Variants in DOCK3 observed in about 807,000 individuals in gnomAD.
DOCK3 encodes the protein dedicator of cytokinesis 3.
DOCK3 carries 60 observed loss-of-function variants against 265.6 expected under a neutral mutation model. The observed-to-expected ratio is 0.23, with a 90% CI of 0.18 to 0.28. The LOEUF is 0.28. DOCK3 is among the 10% of genes least tolerant of loss of function. The pLI is 1.00. For synonymous variants in DOCK3, 881 were observed against 938.0 expected (o/e 0.94, Z 1.11); for missense variants, 1,981 against 2,594.3 (o/e 0.76, Z 5.14).
intron 12 of DOCK3, among the ~76,000 whole-genome samples, chr3:51,180,785 T>G (rs2087244848): frequency 6.6e-6 from 1 of 152,244 alleles, no homozygotes. Context: ...GTGATTAACA[T>G]GAACCCTTAA....
intron 23 of DOCK3, 43 bp from the exon 24 acceptor site, chr3:51,270,772 C>T (rs1279048178): frequency 6.4e-7 from 1 of 1,566,730 alleles, no homozygotes; most frequent in African/African-American, 1.3e-5. Flanking sequence ...GATAGACACA[C>T]ACCCTAACTC....
chr3:51,235,474 A>C (rs2078313311), intron 19 of DOCK3, among the ~76,000 whole-genome samples: 1 of 152,204 alleles, frequency 6.6e-6, no homozygotes, highest in Non-Finnish European at 1.5e-5. Flanking sequence ...AATATTTTTT[A>C]CTTCTTATTG....
In DOCK3 at chr3:51,012,207, G is replaced by T. The variant is rs544396923; in HGVS notation, c.316-52241G>T. ...TTTCTGCTGCCTTTTGTTCAGCTAT[G>T]CCCTGCCCAATGGAGTTAAATACTC... On this transcript the variant is annotated intron_variant, in intron 5 of 52. Coordinates refer to ENST00000266037, the MANE Select transcript of DOCK3 (RefSeq NM_004947.5). Among the ~76,000 whole-genome samples, 3 of 152,256 alleles carry T rather than the reference G, an allele frequency of 2.0e-5. 1 individual carries two copies. In the South Asian group the frequency reaches 6.2e-4, roughly 32 times the overall value.
chr3:50,987,335 G>A (rs148723909), intron 5 of DOCK3, among the ~76,000 whole-genome samples: 1 of 152,158 alleles, frequency 6.6e-6, no homozygotes, highest in African/African-American at 2.4e-5. Flanking sequence ...AATAGTGGTA[G>A]CTGGTAGTTA....
intron 1 of DOCK3, among the ~76,000 whole-genome samples, chr3:50,758,857 A>G (rs2040356894): frequency 6.6e-6 from 1 of 152,234 alleles, no homozygotes; most frequent in Admixed American, 6.5e-5. Context: ...TCTATAGTGG[A>G]ATCATATAAA....
intron 20 of DOCK3, 80 bp downstream of exon 20, chr3:51,236,508 TA>T: frequency 7.9e-7 from 1 of 1,264,144 alleles, no homozygotes; most frequent in Non-Finnish European, 1.1e-6. Context: ...AGCAATTTAT[TA>T]GAGTGAATCA....
intron 1 of DOCK3, among the ~76,000 whole-genome samples, chr3:50,709,334 C>T (rs1163242584): frequency 6.6e-6 from 1 of 152,072 alleles, no homozygotes; most frequent in East Asian, 1.9e-4. Context: ...CTTATACCAT[C>T]AGCTACTAGA....
At chr3:51,249,323 A>G (rs1429736156) in intron 22 of DOCK3, among the ~76,000 whole-genome samples, 2 of 76,174 alleles carry the variant, frequency 2.6e-5, no homozygotes, top group Non-Finnish European at 5.2e-5. Context: ...TCCGGGAGGG[A>G]GGTGGGGGGT....
At chr3:51,011,088 A>G (rs1049900329) in intron 5 of DOCK3, among the ~76,000 whole-genome samples, 2 of 151,944 alleles carry the variant, frequency 1.3e-5, no homozygotes, top group Admixed American at 6.6e-5. Context: ...GAATCTGACA[A>G]TTATGTGTCT....
At chr3:50,737,430 A>G (rs1168651481) in intron 1 of DOCK3, among the ~76,000 whole-genome samples, 1 of 152,174 alleles carries the variant, frequency 6.6e-6, no homozygotes, top group African/African-American at 2.4e-5. Flanking sequence ...ACTGTTCTTG[A>G]AGGATCCACC....
chr3:50,752,389 G>A (rs571201384), intron 1 of DOCK3, among the ~76,000 whole-genome samples: 1 of 152,020 alleles, frequency 6.6e-6, no homozygotes, highest in South Asian at 2.1e-4. Context: ...TGCACCTGTA[G>A]TCCCAGCTAC....
In DOCK3 at chr3:51,181,245, G is replaced by A. The variant is rs371297702; in HGVS notation, c.1037+20543G>A. 7.9e-5 allele frequency among the ~76,000 whole-genome samples: 12 copies of A among 151,520 alleles called. No individual in the cohort carries two copies. The East Asian group carries it at 1.9e-3, about 25-fold the overall frequency. On this transcript the variant is annotated intron_variant, in intron 12 of 52. Coordinates refer to ENST00000266037, the MANE Select transcript of DOCK3 (RefSeq NM_004947.5). ...GTTGGTGTGCTGTACCTGTTAACTC[G>A]TCATTTATATTAGGTATATCTCCTA...
At chr3:50,946,994 C>T (rs1303330475) in intron 5 of DOCK3, among the ~76,000 whole-genome samples, 4 of 152,114 alleles carry the variant, frequency 2.6e-5, no homozygotes, top group Admixed American at 2.6e-4. Flanking sequence ...ATAGTTAAAT[C>T]CTGTTAACAA....
intron 1 of DOCK3, among the ~76,000 whole-genome samples, chr3:50,708,588 G>A (rs1386593588): frequency 1.3e-5 from 2 of 152,308 alleles, no homozygotes; most frequent in Non-Finnish European, 2.9e-5. Flanking sequence ...TGTAGGACCC[G>A]GCAGTAATGC....
chr3:51,341,685 C>T (rs1313406606), intron 38 of DOCK3, among the ~76,000 whole-genome samples: 2 of 152,198 alleles, frequency 1.3e-5, no homozygotes, highest in East Asian at 3.8e-4. Context: ...TTCTGGAACC[C>T]TGTTTGTTTT....
chr3:51,201,351 C>CA (rs1192110074), intron 12 of DOCK3, among the ~76,000 whole-genome samples: 3 of 150,928 alleles, frequency 2.0e-5, no homozygotes, highest in Non-Finnish European at 4.4e-5. Context: ...AAATGGAAAA[C>CA]AAAAAAAGGA....
chr3:50,948,057 T>TATTATC (rs1559850736), intron 5 of DOCK3, among the ~76,000 whole-genome samples: 8 of 144,904 alleles, frequency 5.5e-5, no homozygotes, highest in African/African-American at 2.0e-4. Context: ...TTATTATTAT[T>TATTATC]ATTATTATTA....
chr3:51,185,357 G>T (rs545953609), intron 12 of DOCK3, among the ~76,000 whole-genome samples: 1 of 152,132 alleles, frequency 6.6e-6, no homozygotes, highest in African/African-American at 2.4e-5. Flanking sequence ...TATAAAGAGT[G>T]CAAATAAATA....
chr3:51,249,157 G>C (rs1369177520), intron 22 of DOCK3, among the ~76,000 whole-genome samples: 1 of 70,876 alleles, frequency 1.4e-5, no homozygotes, highest in Non-Finnish European at 3.2e-5. Context: ...AGGTGGGGGG[G>C]TCAGCCCCCC....
Sources: gnomAD v4.1 joint callset for allele counts (sites outside exome capture counted in the v4.1 genomes callset) on GRCh38, gnomAD v4.1.1 for gene constraint, MANE v1.5 for transcripts, NCBI Gene and HGNC (gene_info 2026-07-23, HGNC 2026-07-21) for gene names.